ITGA10: variants seen among roughly 807,000 people sequenced by gnomAD.
ITGA10 encodes integrin subunit alpha 10.
ITGA10 carries 105 observed loss-of-function variants against 145.2 expected under a neutral mutation model. The observed-to-expected ratio is 0.72, with a 90% CI of 0.62 to 0.85. The LOEUF (loss-of-function observed/expected upper bound fraction) is 0.85, where lower values mean the gene tolerates loss of function less well. Ranked by LOEUF, ITGA10 falls within the 40% of genes least tolerant of loss-of-function variation. ITGA10 has a pLI of 0.00. For synonymous variants in ITGA10, 506 were observed against 557.8 expected (o/e 0.91, Z 1.31); for missense variants, 1,317 against 1,444.5 (o/e 0.91, Z 1.43).
At chr1:145,908,517 C>G (rs1435520734) in intron 1 of ITGA10, among the ~76,000 whole-genome samples, 1 of 152,098 alleles carries the variant, frequency 6.6e-6, no homozygotes, top group Non-Finnish European at 1.5e-5. Flanking sequence ...TAAAGGTGCC[C>G]GACCCTAGCT....
At chr1:145,892,911 C>A in intron 29 of ITGA10, 48 bp from the exon 30 acceptor site, 1 of 1,437,326 alleles carries the variant, frequency 7.0e-7, no homozygotes, top group Non-Finnish European at 9.8e-7. Context: ...AGACTGGGAA[C>A]CTTGCCAGTA....
intron 29 of ITGA10, 100 bp downstream of exon 29, chr1:145,893,061 G>C: frequency 2.0e-6 from 2 of 1,004,516 alleles, no homozygotes; most frequent in Non-Finnish European, 3.2e-6. Context: ...TCCACAGCCT[G>C]GTTAGCTGCC....
In ITGA10 at chr1:145,902,032, GA is replaced by G. The variant is rs1553748934; in HGVS notation, c.1150-12del. The G allele has an allele frequency of 2.5e-6, 4 of 1,613,896 alleles. No homozygotes were observed. The highest frequency in any genetic ancestry group is 3.4e-6 in the Non-Finnish European group (4 of 1,179,928). On this transcript the variant is annotated splice_polypyrimidine_tract_variant and intron_variant, in intron 10 of 29. Coordinates refer to ENST00000369304, the MANE Select transcript of ITGA10 (RefSeq NM_003637.5). Reference sequence around the variant, plus strand: ...AAAAAGAATCCCATCCTGTGGGACAGAAGCAGATGGGGTCACTGAGAAGACA... The same window carrying G: ...AAAAAGAATCCCATCCTGTGGGACAGAGCAGATGGGGTCACTGAGAAGACA...
In ITGA10 at chr1:145,906,724, T is replaced by G. The variant is rs1553751247; in HGVS notation, c.366+9A>C. The G allele has an allele frequency of 6.3e-7, 1 of 1,598,720 alleles. No homozygotes were observed. Among genetic ancestry groups the G allele is most frequent in the South Asian group, 1.1e-5 (1 of 90,712 alleles). ...CAGAGACACTGCCACCACCCTCTCC[T>G]TAGCTCACCATGAATCCCCCATCAC... On this transcript the variant is annotated intron_variant, in intron 4 of 29. Coordinates refer to ENST00000369304, the MANE Select transcript of ITGA10 (RefSeq NM_003637.5).
Position 145,898,983 on chromosome 1 carries a change from G to C in ITGA10, c.2185C>G (p.Leu729Val). The change falls in exon 17 of 30, where the codon CTC becomes GTC. Residue 729 changes from leucine to valine, a missense_variant. Physicochemically the swap from Leu to Val is conservative, Grantham distance 32. Coordinates refer to ENST00000369304, the MANE Select transcript of ITGA10 (RefSeq NM_003637.5). ...GQRLSPRRLR[L>V]SVGNVTCEQL... ...TCACAAGTGACATTCCCCACACTGA[G>C]CCGGAGCCTCCGAGGGGACAACCTC... is the stretch of plus-strand genomic sequence containing the variant. The C allele has an allele frequency of 6.2e-7, 1 of 1,614,210 alleles. No homozygotes were observed. Among genetic ancestry groups the C allele is most frequent in the South Asian group, 1.1e-5 (1 of 91,084 alleles).
chr1:145,898,663 C>G (rs782430061), intron 17 of ITGA10, among the ~76,000 whole-genome samples: 2 of 152,110 alleles, frequency 1.3e-5, no homozygotes. Flanking sequence ...CCACTGCGCC[C>G]GGCTAAATTT....
chr1:145,901,064 G>T lies in ITGA10; in HGVS notation c.1587+71C>A. On this transcript the variant is annotated intron_variant, in intron 13 of 29. Coordinates refer to ENST00000369304, the MANE Select transcript of ITGA10 (RefSeq NM_003637.5). The surrounding 1 kb of genome is among the most constrained non-coding windows in gnomAD (Gnocchi z 4.3). ...CCTCTCAGCAAACCCTCAAATATGT[G>T]CACCTTCCCTCCTTTCCTCCCTCCA... 1 of 1,612,454 alleles carries T rather than the reference G, an allele frequency of 6.2e-7. No homozygotes were observed.
chr1:145,902,468 A>G lies in ITGA10; in HGVS notation c.1061T>C (p.Ile354Thr). Residue 354 changes from isoleucine to threonine, a missense_variant, in exon 9 of 30, where the codon ATT (isoleucine) becomes ACT (threonine). Coordinates refer to ENST00000369304, the MANE Select transcript of ITGA10 (RefSeq NM_003637.5). ...TDIVDALGDR[I>T]FGLEGSHAEN... ...GTAATCCTCACCTTCAAGGCCAAAAATCCGATCTCCTAGTGCATCCACAAT... is the reference window on the plus strand; with the variant it reads ...GTAATCCTCACCTTCAAGGCCAAAAGTCCGATCTCCTAGTGCATCCACAAT... 1 of 1,611,196 alleles carries G rather than the reference A, an allele frequency of 6.2e-7. No individual in the cohort carries two copies.
intron 1 of ITGA10, among the ~76,000 whole-genome samples, chr1:145,909,703 C>A (rs1657647061): frequency 7.4e-6 from 1 of 134,722 alleles, no homozygotes; most frequent in Admixed American, 7.8e-5. Context: ...TATAATTATA[C>A]ATTATATATT....
At position 145,892,859 on chromosome 1, in the gene ITGA10, C is replaced by A; in HGVS notation, c.3443G>T (p.Gly1148Val). 2 of 1,613,554 alleles carry A rather than the reference C, an allele frequency of 1.2e-6. No homozygotes were observed. The highest frequency in any genetic ancestry group is 1.7e-6 in the Non-Finnish European group (2 of 1,179,532). ...ALLVFCLWKL[G>V]FFAHKKIPEE... ...AGGGATTTTCTTATGGGCAAAGAAG[C>A]CAAGCTGTAGAAGAAAAGATAAGCG... Residue 1148 changes from glycine to valine, a missense_variant, in exon 30 of 30, where the codon GGC becomes GTC. Transcript: ENST00000369304.
Position 145,899,015 on chromosome 1 carries a change from G to C in ITGA10, c.2153C>G (p.Ser718Cys). Residue 718 changes from serine (S) to cysteine (C), a missense_variant, in exon 17 of 30, where the codon TCT becomes TGT. Coordinates refer to ENST00000369304, the MANE Select transcript of ITGA10 (RefSeq NM_003637.5). Reference protein sequence around the residue: ...TAGARAAFDGSGQRLSPRRLR... With the variant: ...TAGARAAFDGCGQRLSPRRLR... ...CCTCCGAGGGGACAACCTCTGGCCA[G>C]AGCCATCAAATGCTGCACGTGCCCC... is the stretch of plus-strand genomic sequence containing the variant. The C allele has an allele frequency of 1.2e-6, 2 of 1,614,240 alleles. No homozygotes were observed. Among genetic ancestry groups the C allele is most frequent in the Non-Finnish European group, 1.7e-6 (2 of 1,180,054 alleles).
chr1:145,901,115 G>A lies in ITGA10; in HGVS notation c.1587+20C>T, dbSNP rs1656255349. On this transcript the variant is annotated intron_variant, in intron 13 of 29. Transcript: ENST00000369304. This position sits in a 1 kb window ranked among gnomAD's most constrained non-coding sequence, Gnocchi z 4.3. ...CCCCCACAATGCAAGTCCAGGGCAG[G>A]GGGTCCCAGCAAGTCTCACCTGGCC... 9 of 1,613,700 alleles carry A rather than the reference G, an allele frequency of 5.6e-6. No individual in the cohort carries two copies. The highest frequency in any genetic ancestry group is 7.6e-6 in the Non-Finnish European group (9 of 1,179,846).
rs1248129612 is a variant in ITGA10 at position 145,906,779 on chromosome 1, T to A, written c.320A>T (p.His107Leu). ...TGTCTCTAACAGAGACATCCCCAGG[T>A]GCATATTCACAGCAGGATGAGATGA... ...GNSSHPAVNM[H>L]LGMSLLETDG... The change falls in exon 4 of 30, where the codon CAC (histidine) becomes CTC (leucine). Residue 107 changes from histidine to leucine, a missense_variant. Transcript: ENST00000369304. The A allele has an allele frequency of 6.2e-7, 1 of 1,613,850 alleles. No individual in the cohort carries two copies. The highest frequency in any genetic ancestry group is 1.3e-5 in the African/African-American group (1 of 74,902).
At chr1:145,902,118 G>A in intron 10 of ITGA10, 97 bp from the exon 11 acceptor site, 1 of 1,579,240 alleles carries the variant, frequency 6.3e-7, no homozygotes, top group Non-Finnish European at 8.7e-7. Context: ...GGGTCTGCTG[G>A]GCTCAGTTGG....
chr1:145,904,735 G>A lies in ITGA10; in HGVS notation c.558C>T (p.Thr186=). ...NSIYPWSEVQ[T]FLRRLVGKLF... is the part of the protein sequence containing the mutation. ...GTTTCCCTACCAGTCTTCGTAGGAA[G>A]GTCTGAACTTCAGACCAGGGGTAGA... The change falls in exon 6 of 30, where the codon ACC becomes ACT. Residue 186 remains threonine, a synonymous_variant. Coordinates refer to ENST00000369304, the MANE Select transcript of ITGA10 (RefSeq NM_003637.5). 2 of 1,613,878 alleles carry A rather than the reference G, an allele frequency of 1.2e-6. No homozygotes were observed. The highest frequency in any genetic ancestry group is 1.7e-6 in the Non-Finnish European group (2 of 1,179,858).
At position 145,901,888 on chromosome 1, in the gene ITGA10, G is replaced by T. The variant is rs782595199; in HGVS notation, c.1283C>A (p.Ala428Glu). Reference sequence around the variant, plus strand: ...TCTCTGCTGCTCACCCAGGTAGGCTGCATGGTTCTGCAATGCAGGGGGGAA... The same window carrying T: ...TCTCTGCTGCTCACCCAGGTAGGCTTCATGGTTCTGCAATGCAGGGGGGAA... ...DEFPPALQNH[A>E]AYLGYSVSSM... Residue 428 changes from alanine to glutamate, a missense_variant, in exon 11 of 30, where the codon GCA (alanine) becomes GAA (glutamate). Coordinates refer to ENST00000369304, the MANE Select transcript of ITGA10 (RefSeq NM_003637.5). This position sits in a 1 kb window ranked among gnomAD's most constrained non-coding sequence, Gnocchi z 4.3. 2 of 1,614,102 alleles carry T rather than the reference G, an allele frequency of 1.2e-6. No individual in the cohort carries two copies.
chr1:145,894,210 A>C (rs946794751), intron 27 of ITGA10, among the ~76,000 whole-genome samples: 2 of 149,632 alleles, frequency 1.3e-5, no homozygotes, highest in Admixed American at 6.7e-5. Context: ...CTCTCGGGTT[A>C]ATGCCATTCT....
chr1:145,894,588 T>C (rs1257164701), intron 27 of ITGA10, among the ~76,000 whole-genome samples: 1 of 152,192 alleles, frequency 6.6e-6, no homozygotes, highest in African/African-American at 2.4e-5. Flanking sequence ...AGCACAACAT[T>C]GACCTTAGTG....
In ITGA10 at chr1:145,902,910, T is replaced by G. The variant is rs782798200; in HGVS notation, c.810A>C (p.Leu270=). ...ACTCTCCATCAGTGACAACCACCAG[T>G]AGCCTGGCAGCCTCGGGTCGGCCCC... ...SHGGRPEAAR[L]LVVVTDGESH... Residue 270 remains leucine (L), a synonymous_variant, in exon 8 of 30, where the codon CTA becomes CTC. Transcript: ENST00000369304. 5.0e-6 allele frequency: 8 copies of G among 1,613,772 alleles called. No individual in the cohort carries two copies. Among genetic ancestry groups the G allele is most frequent in the Non-Finnish European group, 5.1e-6 (6 of 1,179,838 alleles).
Sources: allele counts gnomAD v4.1 joint callset (sites outside exome capture counted in the v4.1 genomes callset), GRCh38; gene constraint gnomAD v4.1.1; non-coding constraint Gnocchi (gnomAD v3.1); transcripts MANE v1.5; gene names NCBI Gene and HGNC (gene_info 2026-07-23, HGNC 2026-07-21).